The following FER1L6 variants were observed in gnomAD, a reference collection of about 807,000 sequenced individuals.
FER1L6 encodes fer-1-like protein 6.
FER1L6 carries 177 observed loss-of-function variants against 219.2 expected under a neutral mutation model. The observed-to-expected ratio is 0.81, with a 90% CI of 0.71 to 0.91. The LOEUF (loss-of-function observed/expected upper bound fraction) is 0.91. Among genes scored for constraint, FER1L6 ranks in the 40% least tolerant of loss-of-function variants. The pLI is 0.00. For synonymous variants in FER1L6, 768 were observed against 824.3 expected (o/e 0.93, Z 1.17); for missense variants, 2,153 against 2,259.9 (o/e 0.95, Z 0.96).
chr8:123,955,934 C>T (rs916428895), intron 1 of FER1L6, 58 bp from the exon 2 acceptor site: 1 of 1,496,826 alleles, frequency 6.7e-7, no homozygotes, highest in East Asian at 2.4e-5. Flanking sequence ...TTTACCTTCT[C>T]CTAACACGTC....
chr8:123,891,288 T>G (rs181041232), intron 1 of FER1L6, among the ~76,000 whole-genome samples: 1 of 152,322 alleles, frequency 6.6e-6, no homozygotes, highest in Non-Finnish European at 1.5e-5. Context: ...TGCGATGATA[T>G]TCTTTTAAAA....
chr8:124,047,480 C>A (rs3886123), intron 21 of FER1L6: 127,418 of 152,200 alleles, frequency 0.84, 53,545 homozygotes, highest in Non-Finnish European at 0.87. Context: ...GTCCTGCCCT[C>A]TTTTTCTTGG....
At position 123,934,302 on chromosome 8, in the gene FER1L6, G is replaced by A. The variant is rs571473159; in HGVS notation, c.-7-21690G>A. Among the ~76,000 whole-genome samples, 36 of 152,226 alleles carry A rather than the reference G, an allele frequency of 2.4e-4. 1 individual carries two copies. In the South Asian group the frequency reaches 7.3e-3, roughly 31 times the overall value. On this transcript the variant is annotated intron_variant, in intron 1 of 40. Transcript: ENST00000522917. ...CATTTGTTCCAACAGTGTCCTTTATGGGTAAGGGAATTTATGTCTTTGGTC... is the reference window on the plus strand; with the variant it reads ...CATTTGTTCCAACAGTGTCCTTTATAGGTAAGGGAATTTATGTCTTTGGTC...
Position 123,945,986 on chromosome 8 carries a change from T to TG in FER1L6, c.-7-10003dup, listed in dbSNP as rs143167245. On this transcript the variant is annotated intron_variant, in intron 1 of 40. Coordinates refer to ENST00000522917, the MANE Select transcript of FER1L6 (RefSeq NM_001039112.2). ...CCGGAGTTCTGAAGTAAAACTCTGT[T>TG]GGGAAAAAAGTCAATTTTGACTGAA... Among the ~76,000 whole-genome samples the TG allele has an allele frequency of 2.6e-5, 4 of 152,294 alleles. No homozygotes were observed. The East Asian group carries it at 7.7e-4, about 29-fold the overall frequency.
At chr8:124,010,197 T>G (rs1329960415) in intron 13 of FER1L6, among the ~76,000 whole-genome samples, 3 of 141,338 alleles carry the variant, frequency 2.1e-5, no homozygotes, top group Non-Finnish European at 3.0e-5. Context: ...AGCTGGCGAG[T>G]CAGGGAGGAG....
At chr8:124,001,212 C>T (rs1817396211) in intron 12 of FER1L6, among the ~76,000 whole-genome samples, 2 of 152,222 alleles carry the variant, frequency 1.3e-5, no homozygotes, top group African/African-American at 2.4e-5. Context: ...CTCCAATAGC[C>T]TATTCTCTGG....
At chr8:123,913,455 C>T (rs984858313) in intron 1 of FER1L6, among the ~76,000 whole-genome samples, 18 of 152,058 alleles carry the variant, frequency 1.2e-4, no homozygotes, top group African/African-American at 4.3e-4. Context: ...TACAGATTTC[C>T]AGCTGTGTTT....
rs374479079 is a variant in FER1L6, at chr8:123,912,422, G to A, written c.-7-43570G>A. On this transcript the variant is annotated intron_variant, in intron 1 of 40. Transcript: ENST00000522917. The stretch of plus-strand genomic sequence containing the variant: ...ACCTATAAGGTTTTGCACCTGTAGG[G>A]GCTTGGGGTGGTTAGAAAATAAGAA... 9.2e-5 allele frequency among the ~76,000 whole-genome samples: 14 copies of A among 152,206 alleles called. 1 individual carries two copies. The highest frequency in any genetic ancestry group is 3.1e-4 in the African/African-American group (13 of 41,528).
chr8:123,957,087 G>A (rs532677055), intron 2 of FER1L6, among the ~76,000 whole-genome samples: 7 of 152,214 alleles, frequency 4.6e-5, no homozygotes, highest in African/African-American at 7.2e-5. Flanking sequence ...AAATGGTACC[G>A]TGGGTCTCGT....
chr8:123,924,886 C>A lies in FER1L6; in HGVS notation c.-7-31106C>A, dbSNP rs1813506659. 3 of 152,276 alleles carry A rather than the reference C, an allele frequency of 2.0e-5. No homozygotes were observed. The South Asian group carries it at 6.2e-4, about 32-fold the overall frequency. The allele number at this position is 152,276 out of a possible 1,614,324, so 9.4% of individuals were successfully genotyped here. ...TGTTCTCTCATGGTCACTGTCAAAA[C>A]CAAGAGGATGGTGTAATGTTAATAG... On this transcript the variant is annotated intron_variant, in intron 1 of 40. Coordinates refer to ENST00000522917, the MANE Select transcript of FER1L6 (RefSeq NM_001039112.2).
chr8:124,119,534 C>A, intron 40 of FER1L6, 73 bp from the exon 41 acceptor site: 1 of 1,017,264 alleles, frequency 9.8e-7, no homozygotes, highest in Non-Finnish European at 1.5e-6. Flanking sequence ...GTCGGAAACA[C>A]TTCCTGGGGT....
intron 39 of FER1L6, among the ~76,000 whole-genome samples, chr8:124,103,729 A>G (rs1310109228): frequency 6.6e-6 from 1 of 152,252 alleles, no homozygotes; most frequent in Non-Finnish European, 1.5e-5. Context: ...CTTCCTGCCA[A>G]TGCATGTCAG....
intron 22 of FER1L6, among the ~76,000 whole-genome samples, chr8:124,057,306 CTCTTT>C (rs1820345318): frequency 6.6e-6 from 1 of 152,152 alleles, no homozygotes; most frequent in South Asian, 2.1e-4. Flanking sequence ...GCTGTGCTTT[CTCTTT>C]TGAGAGGTTG....
intron 11 of FER1L6, among the ~76,000 whole-genome samples, chr8:123,983,286 G>T (rs766790451): frequency 6.6e-5 from 10 of 152,050 alleles, no homozygotes; most frequent in Non-Finnish European, 2.9e-5. Context: ...TGCTGGCTTT[G>T]TCAACTCACC....
chr8:124,108,328 G>C (rs982283013), intron 39 of FER1L6, among the ~76,000 whole-genome samples: 1 of 95,218 alleles, frequency 1.1e-5, no homozygotes, highest in African/African-American at 4.2e-5. Context: ...TGTAAAGATT[G>C]AGAAAATTAA....
intron 12 of FER1L6, among the ~76,000 whole-genome samples, chr8:123,990,856 A>C (rs1318813216): frequency 6.6e-6 from 1 of 152,178 alleles, no homozygotes; most frequent in Non-Finnish European, 1.5e-5. Context: ...TTCTGGTCTT[A>C]GATTTAAGTC....
intron 5 of FER1L6, 100 bp from the exon 6 acceptor site, chr8:123,969,935 G>T: frequency 1.2e-6 from 1 of 834,236 alleles, no homozygotes. Flanking sequence ...TATTCATGCA[G>T]CAGTTGGTTT....
At position 123,889,881 on chromosome 8, in the gene FER1L6, G is replaced by A. The variant is rs568414108; in HGVS notation, c.-8+37696G>A. On this transcript the variant is annotated intron_variant, in intron 1 of 40. Transcript: ENST00000522917. Reference sequence around the variant, plus strand: ...AGTCCAAGCATGTTACAGATGGTCTGCGTAAGTCATATGTAGTTTTTTTCT... The same window carrying A: ...AGTCCAAGCATGTTACAGATGGTCTACGTAAGTCATATGTAGTTTTTTTCT... Among the ~76,000 whole-genome samples the A allele has an allele frequency of 3.9e-5, 6 of 152,150 alleles. No individual in the cohort carries two copies. The South Asian group carries it at 1.2e-3, about 32-fold the overall frequency.
chr8:123,965,787 C>T (rs941524507), intron 3 of FER1L6, among the ~76,000 whole-genome samples: 1 of 152,136 alleles, frequency 6.6e-6, no homozygotes, highest in South Asian at 2.1e-4. Flanking sequence ...TCATTTAATT[C>T]TAGCAATCAT....
Sources: gnomAD v4.1 joint callset for allele counts (sites outside exome capture counted in the v4.1 genomes callset) on GRCh38, gnomAD v4.1.1 for gene constraint, MANE v1.5 for transcripts, NCBI Gene and HGNC (gene_info 2026-07-23, HGNC 2026-07-21) for gene names.